The following ATP11C variants were observed in gnomAD, a reference collection of about 807,000 sequenced individuals.
ATP11C encodes ATPase phospholipid transporting 11C (ATP11C blood group).
A neutral mutation model predicts 97.4 loss-of-function variants in ATP11C; 36 were observed. That is an observed-to-expected ratio of 0.37 (90% CI 0.28 to 0.49). The LOEUF (loss-of-function observed/expected upper bound fraction) is 0.49. Ranked by LOEUF, ATP11C falls within the 20% of genes least tolerant of loss-of-function variation. The pLI is 0.98. For synonymous variants in ATP11C, 275 were observed against 290.9 expected (o/e 0.95, Z 0.56); for missense variants, 730 against 824.6 (o/e 0.89, Z 1.40).
At chrX:139,769,277 CATACATATATATATATATATATAT>C (rs2082200775) in intron 19 of ATP11C, among the ~76,000 whole-genome samples, 1 of 34,537 alleles carries the variant, frequency 2.9e-5, no homozygotes, top group East Asian at 1.1e-3. Context: ...TTGGGGCAAA[CATACATATATATATATATATATAT>C]ATATATATAT....
rs1211395866 is a variant in ATP11C, at chrX:139,797,460, TA to T, written c.858-135del. On this transcript the variant is annotated intron_variant, in intron 10 of 29. Coordinates refer to ENST00000682941, the MANE Select transcript of ATP11C (RefSeq NM_001353812.2). ...CAAGCCTTTGTGTATTAACCTCAGT[TA>T]TCATAGCTGCAGCATTACTTTCAAG... 8 of 428,022 alleles carry T rather than the reference TA, an allele frequency of 1.9e-5. No individual in the cohort carries two copies. The African/African-American group carries it at 2.1e-4, about 11-fold the overall frequency. 35.3% of individuals were successfully genotyped at this position (428,022 alleles called of 1,213,427 possible). A position where few individuals can be genotyped will look rare whatever the true frequency, so the allele number is the denominator to read the frequency against.
At chrX:139,807,953 T>C (rs866618003) in intron 5 of ATP11C, among the ~76,000 whole-genome samples, 1 of 76,873 alleles carries the variant, frequency 1.3e-5, no homozygotes, top group Non-Finnish European at 2.5e-5. Context: ...CCCTGTCTCT[T>C]AAAAAAAAAA....
chrX:139,779,396 GAGTGAAATAA>G lies in ATP11C; in HGVS notation c.1952+3141_1952+3150del, dbSNP rs370582416. On this transcript the variant is annotated intron_variant, in intron 18 of 29. Transcript: ENST00000682941. Reference sequence around the variant, plus strand: ...CATACAGAAGCATCTTCTCAGAACAGAGTGAAATAAAATTAGAAATCAATACCAAGGGGAA... The same window carrying G: ...CATACAGAAGCATCTTCTCAGAACAGAATTAGAAATCAATACCAAGGGGAA... Among the ~76,000 whole-genome samples, 634 of 111,934 alleles carry G rather than the reference GAGTGAAATAA, an allele frequency of 5.7e-3. 9 individuals are homozygous for G. Among genetic ancestry groups the G allele is most frequent in the African/African-American group, 0.019 (583 of 30,805 alleles).
chrX:139,791,186 A>C (rs1306881002), intron 12 of ATP11C, among the ~76,000 whole-genome samples: 1 of 110,862 alleles, frequency 9.0e-6, no homozygotes, highest in Admixed American at 9.7e-5. Flanking sequence ...AAGCCAGCCA[A>C]GTTTGAACTC....
chrX:139,889,183 G>A (rs2084691556), intron 1 of ATP11C, among the ~76,000 whole-genome samples: 1 of 111,661 alleles, frequency 9.0e-6, no homozygotes, highest in African/African-American at 3.3e-5. Context: ...ATCAGCTACT[G>A]GTGAATGGAT....
intron 1 of ATP11C, among the ~76,000 whole-genome samples, chrX:139,831,329 C>G (rs1375234218): frequency 1.6e-4 from 17 of 105,387 alleles, no homozygotes; most frequent in African/African-American, 6.4e-4. Context: ...TTAGGCATTA[C>G]CCAATGGCTT....
At chrX:139,790,099 A>C (rs1361043676) in intron 12 of ATP11C, among the ~76,000 whole-genome samples, 1 of 110,702 alleles carries the variant, frequency 9.0e-6, no homozygotes, top group Non-Finnish European at 1.9e-5. Flanking sequence ...ACCTTTTTTA[A>C]GATAGGGTCT....
At chrX:139,759,247 G>A (rs2081992310) in intron 22 of ATP11C, among the ~76,000 whole-genome samples, 2 of 111,623 alleles carry the variant, frequency 1.8e-5, no homozygotes, top group African/African-American at 6.5e-5. Flanking sequence ...GACACTGCCT[G>A]TCTTATTCCA....
chrX:139,895,013 G>A (rs761735624), intron 1 of ATP11C, among the ~76,000 whole-genome samples: 2 of 111,907 alleles, frequency 1.8e-5, no homozygotes, highest in Non-Finnish European at 3.8e-5. Flanking sequence ...CCGAGATCAT[G>A]CCATTGTACT....
At chrX:139,890,853 C>G (rs922301063) in intron 1 of ATP11C, among the ~76,000 whole-genome samples, 2 of 110,489 alleles carry the variant, frequency 1.8e-5, no homozygotes, top group Non-Finnish European at 3.8e-5. Context: ...CCCCATATAC[C>G]ATTTTCTATC....
chrX:139,791,339 T>G, intron 12 of ATP11C, among the ~76,000 whole-genome samples: 1 of 111,915 alleles, frequency 8.9e-6, no homozygotes, highest in Non-Finnish European at 1.9e-5. Flanking sequence ...TTTCATCTCC[T>G]GCACTTGGAT....
intron 1 of ATP11C, among the ~76,000 whole-genome samples, chrX:139,899,292 C>T (rs2084857931): frequency 9.1e-6 from 1 of 110,354 alleles, no homozygotes; most frequent in Non-Finnish European, 1.9e-5. Context: ...ACCAGCCTAG[C>T]CAACATGGTG....
chrX:139,801,741 G>T (rs2082931820), intron 7 of ATP11C, among the ~76,000 whole-genome samples: 1 of 111,135 alleles, frequency 9.0e-6, no homozygotes, highest in African/African-American at 3.3e-5. Context: ...TAAAATAGAG[G>T]AAATTACACC....
chrX:139,867,609 C>T (rs886864302), intron 1 of ATP11C, among the ~76,000 whole-genome samples: 3 of 111,466 alleles, frequency 2.7e-5, no homozygotes, highest in African/African-American at 3.3e-5. Context: ...GTGCCTAAGC[C>T]CAAACTCAGG....
At chrX:139,843,629 A>G (rs2073656360) in intron 1 of ATP11C, among the ~76,000 whole-genome samples, 1 of 111,669 alleles carries the variant, frequency 9.0e-6, no homozygotes, top group Non-Finnish European at 1.9e-5. Context: ...GAAGAACAGA[A>G]GCATACTGGC....
At chrX:139,906,685 G>A (rs762907330) in intron 1 of ATP11C, among the ~76,000 whole-genome samples, 2 of 109,540 alleles carry the variant, frequency 1.8e-5, no homozygotes, top group Non-Finnish European at 3.8e-5. Flanking sequence ...AGGAGGCTGA[G>A]GCAGGAGAAT....
chrX:139,786,214 G>A (rs768885339), intron 15 of ATP11C, among the ~76,000 whole-genome samples: 1 of 111,692 alleles, frequency 9.0e-6, no homozygotes, highest in East Asian at 2.8e-4. Flanking sequence ...ATAAGAGTTG[G>A]TTATTAGAAA....
At chrX:139,753,005 C>G (rs1014879047) in intron 23 of ATP11C, among the ~76,000 whole-genome samples, 1 of 111,576 alleles carries the variant, frequency 9.0e-6, no homozygotes, top group Non-Finnish European at 1.9e-5. Context: ...AATGCATTCT[C>G]TTAAAAATAC....
intron 25 of ATP11C, among the ~76,000 whole-genome samples, 198 bp from the exon 26 acceptor site, chrX:139,743,822 T>C (rs1188134456): frequency 9.0e-6 from 1 of 111,679 alleles, no homozygotes; most frequent in Admixed American, 9.5e-5. Flanking sequence ...CACAAAAAGG[T>C]ACACCACACC....
Sources: gnomAD v4.1 joint callset for allele counts (sites outside exome capture counted in the v4.1 genomes callset) on GRCh38, gnomAD v4.1.1 for gene constraint, MANE v1.5 for transcripts, NCBI Gene and HGNC (gene_info 2026-07-23, HGNC 2026-07-21) for gene names.